Variants in GPC5 observed in about 807,000 individuals in gnomAD.
GPC5 encodes glypican 5.
Under a neutral mutation model 53.9 loss-of-function variants are expected in GPC5, and 47 were observed. The ratio of observed to expected loss-of-function variants is 0.87; its 90% confidence interval spans 0.69 to 1.11. The LOEUF (loss-of-function observed/expected upper bound fraction) is 1.11, where lower values mean the gene tolerates loss of function less well. Among genes scored for constraint, GPC5 ranks in the 50% most tolerant of loss-of-function variants. GPC5 has a pLI of 0.00. For missense variants in GPC5, 748 were observed against 713.1 expected, an observed-to-expected ratio of 1.05 and a Z score of -0.56; for synonymous variants, 286 against 263.3, an observed-to-expected ratio of 1.09 and a Z score of -0.84.
In GPC5 at chr13:91,973,812, C is replaced by T. The variant is rs532676848; in HGVS notation, c.1401+65755C>T. Among the ~76,000 whole-genome samples, 481 of 152,222 alleles carry T rather than the reference C, an allele frequency of 3.2e-3. 2 individuals carry two copies. The highest frequency in any genetic ancestry group is 4.7e-3 in the Non-Finnish European group (323 of 68,012). ...TGTAGAACAGTGGATTTTGGTGACCCGCAAATGCTGCTGCCTGATCATTCC... is the reference window on the plus strand; with the variant it reads ...TGTAGAACAGTGGATTTTGGTGACCTGCAAATGCTGCTGCCTGATCATTCC... On this transcript the variant is annotated intron_variant, in intron 6 of 7. Coordinates refer to ENST00000377067, the MANE Select transcript of GPC5 (RefSeq NM_004466.6).
At chr13:92,861,693 A>G (rs370081558) in intron 7 of GPC5, among the ~76,000 whole-genome samples, 1 of 151,980 alleles carries the variant, frequency 6.6e-6, no homozygotes, top group Non-Finnish European at 1.5e-5. Context: ...TTTTTGTTGT[A>G]CCAAAGGTTC....
intron 7 of GPC5, among the ~76,000 whole-genome samples, chr13:92,273,790 C>G (rs1220235143): frequency 6.6e-6 from 1 of 152,094 alleles, no homozygotes; most frequent in Non-Finnish European, 1.5e-5. Context: ...GAAATAGTTA[C>G]AACCCAAGTA....
In GPC5 at chr13:92,489,727, G is replaced by A. The variant is rs148205103; in HGVS notation, c.1561+344738G>A. On this transcript the variant is annotated intron_variant, in intron 7 of 7. Coordinates refer to ENST00000377067, the MANE Select transcript of GPC5 (RefSeq NM_004466.6). ...AGTATGGATGAAGAAATATCACCAC[G>A]TTCTTTTGTTTGTCTAGACACACAA... Among the ~76,000 whole-genome samples the A allele has an allele frequency of 1.3e-3, 191 of 152,110 alleles. 1 individual carries two copies. The highest frequency in any genetic ancestry group is 2.3e-3 in the Non-Finnish European group (153 of 67,986).
intron 2 of GPC5, among the ~76,000 whole-genome samples, chr13:91,604,673 T>C (rs1221162269): frequency 7.2e-6 from 1 of 139,310 alleles, no homozygotes; most frequent in African/African-American, 2.8e-5. Flanking sequence ...TATCTCATTG[T>C]GGTTTTGATT....
Position 91,409,540 on chromosome 13 carries a change from TA to T in GPC5, c.163+10333del, listed in dbSNP as rs1334575356. ...AATTCATCTTTGGAAATATCTTACA[TA>T]AGGAAAACTAGTAGTTATGACAAAC... is the stretch of plus-strand genomic sequence containing the variant. On this transcript the variant is annotated intron_variant, in intron 1 of 7. Transcript: ENST00000377067. 2.0e-5 allele frequency among the ~76,000 whole-genome samples: 3 copies of T among 152,226 alleles called. No homozygotes were observed. In the East Asian group the frequency reaches 5.8e-4, roughly 29 times the overall value.
chr13:92,341,374 T>C (rs1370712578), intron 7 of GPC5, among the ~76,000 whole-genome samples: 2 of 152,062 alleles, frequency 1.3e-5, no homozygotes, highest in Non-Finnish European at 2.9e-5. Flanking sequence ...CTTCCAACTT[T>C]TGGTAAGAGA....
chr13:91,595,655 G>T (rs79760039), intron 2 of GPC5, among the ~76,000 whole-genome samples: 6,354 of 152,144 alleles, frequency 0.042, 145 homozygotes, highest in Middle Eastern at 0.054. Flanking sequence ...TTAAGCAGGC[G>T]CATTTGTTCT....
chr13:91,538,385 A>G (rs192167914), intron 2 of GPC5, among the ~76,000 whole-genome samples: 76 of 152,280 alleles, frequency 5.0e-4, no homozygotes, highest in Non-Finnish European at 9.3e-4. Flanking sequence ...TTTTTGAATA[A>G]AGGAATAACT....
chr13:91,411,562 T>A (rs1877794430), intron 1 of GPC5, among the ~76,000 whole-genome samples: 1 of 152,186 alleles, frequency 6.6e-6, no homozygotes, highest in South Asian at 2.1e-4. Flanking sequence ...GTCTCACCTT[T>A]ATAGAGTCAC....
intron 6 of GPC5, among the ~76,000 whole-genome samples, chr13:92,056,793 A>T (rs1381293903): frequency 6.6e-6 from 1 of 152,230 alleles, no homozygotes; most frequent in African/African-American, 2.4e-5. Context: ...AAGGAAAGCA[A>T]TATAATATGC....
chr13:92,760,157 CTT>C lies in GPC5; in HGVS notation c.1562-106123_1562-106122del, dbSNP rs375459498. 1.0e-3 allele frequency among the ~76,000 whole-genome samples: 155 copies of C among 152,018 alleles called. 1 individual carries two copies. In the East Asian group the frequency reaches 0.02, roughly 19 times the overall value. ...CCTATAGTTTATTTTCTTATGGTGT[CTT>C]TGTCTGGTTTAGGTAAGAAGGTAAT... On this transcript the variant is annotated intron_variant, in intron 7 of 7. Coordinates refer to ENST00000377067, the MANE Select transcript of GPC5 (RefSeq NM_004466.6).
chr13:92,750,241 T>C (rs1566399774), intron 7 of GPC5, among the ~76,000 whole-genome samples: 2 of 152,198 alleles, frequency 1.3e-5, no homozygotes, highest in Admixed American at 1.3e-4. Context: ...TTTCTCGCAA[T>C]CATTTTGTAA....
At chr13:91,648,809 G>C (rs1344528260) in intron 2 of GPC5, among the ~76,000 whole-genome samples, 1 of 152,144 alleles carries the variant, frequency 6.6e-6, no homozygotes, top group Non-Finnish European at 1.5e-5. Context: ...GGACTGTGGA[G>C]ACAGAGCAAA....
chr13:92,017,068 T>G (rs1411198442), intron 6 of GPC5, among the ~76,000 whole-genome samples: 5 of 152,074 alleles, frequency 3.3e-5, no homozygotes, highest in Non-Finnish European at 4.4e-5. Flanking sequence ...CACCAACCCA[T>G]GAGGTATCCT....
intron 2 of GPC5, among the ~76,000 whole-genome samples, chr13:91,476,019 C>CT (rs1882908699): frequency 6.6e-6 from 1 of 152,156 alleles, no homozygotes; most frequent in African/African-American, 2.4e-5. Context: ...ATGTACCAAG[C>CT]ACTAAAAAAT....
In GPC5 at chr13:92,699,211, G is replaced by T. The variant is rs549597120; in HGVS notation, c.1562-167071G>T. Among the ~76,000 whole-genome samples, 78 of 152,096 alleles carry T rather than the reference G, an allele frequency of 5.1e-4. 1 individual carries two copies. The highest frequency in any genetic ancestry group is 9.0e-4 in the Non-Finnish European group (61 of 67,984). ...TTCTTCTAGATTTTCTAGTTTATTTGCATAGAAGTGTTTATAGTATTCTAT... is the reference window on the plus strand; with the variant it reads ...TTCTTCTAGATTTTCTAGTTTATTTTCATAGAAGTGTTTATAGTATTCTAT... On this transcript the variant is annotated intron_variant, in intron 7 of 7. Transcript: ENST00000377067.
intron 7 of GPC5, among the ~76,000 whole-genome samples, chr13:92,384,898 G>T (rs1451710774): frequency 2.0e-5 from 3 of 152,028 alleles, no homozygotes; most frequent in Non-Finnish European, 2.9e-5. Context: ...AGTGATGCCA[G>T]AATTCTCTTA....
intron 7 of GPC5, among the ~76,000 whole-genome samples, chr13:92,239,275 G>A (rs1419300150): frequency 6.6e-6 from 1 of 151,372 alleles, no homozygotes; most frequent in East Asian, 1.9e-4. Context: ...GATTTTTACT[G>A]AATCTGTCAA....
intron 7 of GPC5, among the ~76,000 whole-genome samples, chr13:92,421,736 G>A (rs1355206121): frequency 6.8e-6 from 1 of 147,416 alleles, no homozygotes; most frequent in Non-Finnish European, 1.5e-5. Flanking sequence ...ATTGGCTCAC[G>A]GTTCTGCAGG....
Sources: gnomAD v4.1 joint callset for allele counts (sites outside exome capture counted in the v4.1 genomes callset) on GRCh38, gnomAD v4.1.1 for gene constraint, MANE v1.5 for transcripts, NCBI Gene and HGNC (gene_info 2026-07-23, HGNC 2026-07-21) for gene names.